Variants in CDH10 observed in about 807,000 individuals in gnomAD.
CDH10 encodes the protein cadherin-10.
CDH10 carries 30 observed loss-of-function variants against 73.1 expected under a neutral mutation model. That is an observed-to-expected ratio of 0.41 (90% confidence interval 0.31 to 0.56). CDH10 has a LOEUF of 0.56. CDH10 is among the 20% of genes least tolerant of loss of function. CDH10 has a pLI of 0.27. For synonymous variants in CDH10, 345 were observed against 348.2 expected, an observed-to-expected ratio of 0.99 and a Z score of 0.10; for missense variants, 815 against 973.7, an observed-to-expected ratio of 0.84 and a Z score of 2.17.
chr5:24,616,427 G>T (rs1747130428), intron 1 of CDH10, among the ~76,000 whole-genome samples: 1 of 151,904 alleles, frequency 6.6e-6, no homozygotes, highest in African/African-American at 2.4e-5. Context: ...GTCGGATTTA[G>T]GTTAAAAGGT....
At chr5:24,504,319 T>A (rs1372562691) in intron 8 of CDH10, among the ~76,000 whole-genome samples, 1 of 151,884 alleles carries the variant, frequency 6.6e-6, no homozygotes, top group African/African-American at 2.4e-5. Flanking sequence ...TACAAGTGAT[T>A]CAGATTTTGT....
intron 1 of CDH10, among the ~76,000 whole-genome samples, chr5:24,643,179 G>T (rs553224758): frequency 3.9e-5 from 6 of 151,962 alleles, no homozygotes; most frequent in Admixed American, 6.6e-5. Flanking sequence ...TAGTACACTC[G>T]GGGGAGCGGG....
At chr5:24,586,379 G>C (rs1745993209) in intron 2 of CDH10, among the ~76,000 whole-genome samples, 1 of 149,080 alleles carries the variant, frequency 6.7e-6, no homozygotes, top group East Asian at 2.0e-4. Context: ...CAAAGTTGCT[G>C]CTCCCCTCTC....
At chr5:24,542,112 C>T (rs1176065479) in intron 2 of CDH10, among the ~76,000 whole-genome samples, 1 of 152,020 alleles carries the variant, frequency 6.6e-6, no homozygotes, top group African/African-American at 2.4e-5. Context: ...TCTTGTAAAA[C>T]ATCTTTGTAT....
rs1554016940 is a variant in CDH10 at position 24,504,506 on chromosome 5, C to CTGTTTTTTTTTT, written c.1393+605_1393+606insAAAAAAAAAACA. Reference sequence around the variant, plus strand: ...TATTAAATGCTTTTCTCCTATTAATCTTTTTTTTTTTTTTTTTTTTTTTTT... The same window carrying CTGTTTTTTTTTT: ...TATTAAATGCTTTTCTCCTATTAATCTGTTTTTTTTTTTTTTTTTTTTTTTTTTTTTTTTTTT... On this transcript the variant is annotated intron_variant, in intron 8 of 11. Transcript: ENST00000264463. Among the ~76,000 whole-genome samples the CTGTTTTTTTTTT allele has an allele frequency of 3.2e-3, 209 of 65,162 alleles. 81 individuals are homozygous for CTGTTTTTTTTTT. Among genetic ancestry groups the CTGTTTTTTTTTT allele is most frequent in the Middle Eastern group, 8.9e-3 (1 of 112 alleles). 42.7% of individuals were successfully genotyped at this position (65,162 alleles called of 152,430 possible). A position where few individuals can be genotyped will look rare whatever the true frequency, so the allele number is the denominator to read the frequency against.
rs1452708419 is a variant in CDH10, at chr5:24,487,667, G to A, written c.2363C>T (p.Ser788Phe). The A allele has an allele frequency of 6.2e-7, 1 of 1,610,160 alleles. No homozygotes were observed. Among genetic ancestry groups the A allele is most frequent in the Non-Finnish European group, 8.5e-7 (1 of 1,177,874 alleles). Reference sequence around the variant, plus strand: ...GAACAGAACATATATCCTACGTTAAGAGTCTTTGTCACTTTCCCCACCACC... The same window carrying A: ...GAACAGAACATATATCCTACGTTAAAAGTCTTTGTCACTTTCCCCACCACC... ...MYGGGESDKD[S>F] The change falls in exon 12 of 12, where the codon TCT (serine) becomes TTT (phenylalanine). Residue 788 changes from serine (S) to phenylalanine (F), a missense_variant. Ser to Phe is a radical substitution (Grantham distance 155, BLOSUM62 -2). Transcript: ENST00000264463.
In CDH10 at chr5:24,492,914, A is replaced by G. The variant is rs1162238232; in HGVS notation, c.1527T>C (p.Thr509=). 3 of 1,465,406 alleles carry G rather than the reference A, an allele frequency of 2.0e-6. No homozygotes were observed. The highest frequency in any genetic ancestry group is 2.9e-6 in the Non-Finnish European group (3 of 1,045,046). The allele number at this position is 1,465,406 out of a possible 1,614,324, so 90.8% of individuals were successfully genotyped here. ...GGTCATCTTTGTCTACTGCACTTAT[A>G]GTCTGTATTAGCTGCAGAAAAAGAA... ...ENARPGQLIQ[T]ISAVDKDDPL... The change falls in exon 10 of 12, where the codon ACT becomes ACC. Residue 509 remains threonine, a synonymous_variant. Transcript: ENST00000264463.
chr5:24,539,811 G>T lies in CDH10; in HGVS notation c.232-2137C>A, dbSNP rs192248139. Among the ~76,000 whole-genome samples, 7 of 152,170 alleles carry T rather than the reference G, an allele frequency of 4.6e-5. No homozygotes were observed. In the East Asian group the frequency reaches 1.4e-3, roughly 29 times the overall value. On this transcript the variant is annotated intron_variant, in intron 2 of 11. Coordinates refer to ENST00000264463, the MANE Select transcript of CDH10 (RefSeq NM_006727.5). Reference sequence around the variant, plus strand: ...ACAAGACTGATGCTTTACAGGAACTGAAAATGTACATAGTTGCTGGGAAAC... The same window carrying T: ...ACAAGACTGATGCTTTACAGGAACTTAAAATGTACATAGTTGCTGGGAAAC...
intron 1 of CDH10, among the ~76,000 whole-genome samples, chr5:24,604,685 C>G (rs1242178377): frequency 6.6e-6 from 1 of 151,914 alleles, no homozygotes; most frequent in African/African-American, 2.4e-5. Flanking sequence ...CCAGCCTAAC[C>G]AACACGGTGA....
At chr5:24,515,588 A>T (rs555456884) in intron 5 of CDH10, among the ~76,000 whole-genome samples, 1 of 152,360 alleles carries the variant, frequency 6.6e-6, no homozygotes, top group South Asian at 2.1e-4. Flanking sequence ...ACTACTAACT[A>T]AATTCCTGAC....
At chr5:24,620,154 T>C (rs1217033243) in intron 1 of CDH10, among the ~76,000 whole-genome samples, 2 of 152,186 alleles carry the variant, frequency 1.3e-5, no homozygotes, top group African/African-American at 2.4e-5. Context: ...AAAGCTCTTA[T>C]CTCCTCACAC....
chr5:24,626,555 T>C (rs1747506755), intron 1 of CDH10, among the ~76,000 whole-genome samples: 1 of 152,064 alleles, frequency 6.6e-6, no homozygotes, highest in Admixed American at 6.6e-5. Flanking sequence ...TGAATCAGGT[T>C]TGAGAAACAC....
At chr5:24,522,162 C>A (rs34886740) in intron 5 of CDH10, among the ~76,000 whole-genome samples, 63,390 of 148,264 alleles carry the variant, frequency 0.43, 14,117 homozygotes, top group East Asian at 0.58. Flanking sequence ...ACAAAACAAA[C>A]AAACAAACAA....
At chr5:24,533,860 T>G (rs116549694) in intron 5 of CDH10, among the ~76,000 whole-genome samples, 1 of 152,114 alleles carries the variant, frequency 6.6e-6, no homozygotes, top group Non-Finnish European at 1.5e-5. Context: ...CTATGAGTTC[T>G]GGAGCCCAGC....
At chr5:24,641,930 T>A (rs1748067356) in intron 1 of CDH10, among the ~76,000 whole-genome samples, 1 of 152,122 alleles carries the variant, frequency 6.6e-6, no homozygotes, top group Non-Finnish European at 1.5e-5. Context: ...TACTTATAAT[T>A]GGCATAAATA....
At chr5:24,628,561 T>C (rs1203283693) in intron 1 of CDH10, among the ~76,000 whole-genome samples, 1 of 152,156 alleles carries the variant, frequency 6.6e-6, no homozygotes, top group Non-Finnish European at 1.5e-5. Context: ...CCAACAGCCA[T>C]GCATGTAAAA....
At chr5:24,547,077 A>G (rs1744370865) in intron 2 of CDH10, among the ~76,000 whole-genome samples, 1 of 152,252 alleles carries the variant, frequency 6.6e-6, no homozygotes, top group African/African-American at 2.4e-5. Context: ...CCAGTTAACT[A>G]TGAAATTAGA....
rs73070979 is a variant in CDH10 at position 24,577,089 on chromosome 5, C to A, written c.231+16171G>T. Among the ~76,000 whole-genome samples the A allele has an allele frequency of 4.5e-3, 293 of 64,992 alleles. 1 individual carries two copies. Among genetic ancestry groups the A allele is most frequent in the African/African-American group, 8.8e-3 (281 of 31,870 alleles). The allele number at this position is 64,992 out of a possible 152,430, so 42.6% of individuals were successfully genotyped here. Reference sequence around the variant, plus strand: ...GTCAAAGTTATTTAAAAAAAAAAAACCAAAAACTGTGAAGCTTCCACAGCA... The same window carrying A: ...GTCAAAGTTATTTAAAAAAAAAAAAACAAAAACTGTGAAGCTTCCACAGCA... On this transcript the variant is annotated intron_variant, in intron 2 of 11. Transcript: ENST00000264463.
intron 8 of CDH10, among the ~76,000 whole-genome samples, chr5:24,501,843 A>G (rs1742507559): frequency 6.6e-6 from 1 of 152,144 alleles, no homozygotes; most frequent in Non-Finnish European, 1.5e-5. Context: ...TGGTGTCTAT[A>G]ACAAATATGC....
Sources: gnomAD v4.1 joint callset for allele counts (sites outside exome capture counted in the v4.1 genomes callset) on GRCh38, gnomAD v4.1.1 for gene constraint, MANE v1.5 for transcripts, NCBI Gene and HGNC (gene_info 2026-07-23, HGNC 2026-07-21) for gene names.